GRHL3: variants seen among roughly 807,000 people sequenced by gnomAD.
GRHL3 encodes grainyhead like transcription factor 3.
A neutral mutation model predicts 70.3 loss-of-function variants in GRHL3; 20 were observed. The ratio of observed to expected loss-of-function variants is 0.28; its 90% CI spans 0.20 to 0.41. The LOEUF (loss-of-function observed/expected upper bound fraction) is 0.41. Among genes scored for constraint, GRHL3 ranks in the 10% least tolerant of loss-of-function variants. The pLI is 1.00. For missense variants in GRHL3, 637 were observed against 762.3 expected (o/e 0.84, Z 1.94); for synonymous variants, 299 against 299.9 (o/e 1.00, Z 0.03).
rs1639219064 is a variant in GRHL3 at position 24,322,214 on chromosome 1, C to A, written c.17+2646C>A. Among the ~76,000 whole-genome samples, 1 of 152,176 alleles carries A rather than the reference C, an allele frequency of 6.6e-6. No homozygotes were observed. Among genetic ancestry groups the A allele is most frequent in the Non-Finnish European group, 1.5e-5 (1 of 68,012 alleles). On this transcript the variant is annotated intron_variant, in intron 1 of 15. Transcript: ENST00000361548. The surrounding 1 kb of genome is among the most constrained non-coding windows in gnomAD (Gnocchi z 4.4). ...GAGGCAGGAGCGTCCCCCGCGGCCT[C>A]GCTCCCTGCTCTCTGGGCCCCACCG...
chr1:24,338,516 C>T (rs1639915138), intron 7 of GRHL3, among the ~76,000 whole-genome samples: 1 of 152,194 alleles, frequency 6.6e-6, no homozygotes, highest in East Asian at 1.9e-4. Flanking sequence ...CATCCCTAGC[C>T]CTGAAACAAG....
chr1:24,344,983 ACCTGTGCC>A, intron 12 of GRHL3, 52 bp downstream of exon 12: 3 of 517,102 alleles, frequency 5.8e-6, no homozygotes, highest in Non-Finnish European at 2.5e-6. Flanking sequence ...CACCCTCCAC[ACCTGTGCC>A]CCCTCCACAC....
In GRHL3 at chr1:24,321,639, G is replaced by A. The variant is rs967317310; in HGVS notation, c.17+2071G>A. On this transcript the variant is annotated intron_variant, in intron 1 of 15. Coordinates refer to ENST00000361548, the MANE Select transcript of GRHL3 (RefSeq NM_198173.3). The surrounding 1 kb of genome is among the most constrained non-coding windows in gnomAD (Gnocchi z 4.0). ...ATTTGTTTGTCCTCCCTGACCCTCA[G>A]TCTGCTCATCTGTCTGTAACACCTA... is the stretch of plus-strand genomic sequence containing the variant. 1 of 152,340 alleles carries A rather than the reference G, an allele frequency of 6.6e-6. No homozygotes were observed. The allele number at this position is 152,340 out of a possible 1,614,324, so 9.4% of individuals were successfully genotyped here. A position where few individuals can be genotyped will look rare whatever the true frequency, so the allele number is the denominator to read the frequency against.
intron 1 of GRHL3, among the ~76,000 whole-genome samples, chr1:24,330,023 G>A (rs1405205247): frequency 6.6e-6 from 1 of 152,206 alleles, no homozygotes; most frequent in African/African-American, 2.4e-5. Flanking sequence ...CCCAGAGCCA[G>A]TGAATCAGAC....
In GRHL3 at chr1:24,322,134, A is replaced by G. The variant is rs998924530; in HGVS notation, c.17+2566A>G. Among the ~76,000 whole-genome samples the G allele has an allele frequency of 4.6e-5, 7 of 152,010 alleles. No individual in the cohort carries two copies. Among genetic ancestry groups the G allele is most frequent in the Non-Finnish European group, 8.8e-5 (6 of 67,976 alleles). ...TCCAGGCAGGCCCCGTTGACAGCCC[A>G]GGAAGGGAGAGTTTCGCCGCAAAGG... On this transcript the variant is annotated intron_variant, in intron 1 of 15. Transcript: ENST00000361548. The surrounding 1 kb of genome is among the most constrained non-coding windows in gnomAD (Gnocchi z 4.4).
At chr1:24,356,853 A>T (rs958359070), downstream of GRHL3, 1 of 152,138 alleles carries the variant, frequency 6.6e-6, no homozygotes, top group African/African-American at 2.4e-5. Flanking sequence ...AACTTTTTTT[A>T]AAAAGGTGTG....
chr1:24,331,486 T>C lies in GRHL3; in HGVS notation c.78T>C (p.Thr26=). The C allele has an allele frequency of 6.2e-7, 1 of 1,614,034 alleles. No individual in the cohort carries two copies. Among genetic ancestry groups the C allele is most frequent in the Non-Finnish European group, 8.5e-7 (1 of 1,179,946 alleles). Residue 26 remains threonine (T), a synonymous_variant, in exon 2 of 16, where the codon ACT becomes ACC. Coordinates refer to ENST00000361548, the MANE Select transcript of GRHL3 (RefSeq NM_198173.3). ...DPVNLQKFSY[T]SEDEAWKTYL... ...TCAACTTGCAGAAATTCTCTTACAC[T>C]AGTGAGGATGAGGCCTGGAAGACGT... is the stretch of plus-strand genomic sequence containing the variant.
chr1:24,333,299 G>A (rs1639678003), intron 2 of GRHL3, among the ~76,000 whole-genome samples: 1 of 152,140 alleles, frequency 6.6e-6, no homozygotes, highest in Admixed American at 6.5e-5. Flanking sequence ...ACCTAGTCCT[G>A]CCACAAATCT....
Position 24,354,370 on chromosome 1 carries a change from C to T in GRHL3, c.1695-4C>T. 6 of 1,606,196 alleles carry T rather than the reference C, an allele frequency of 3.7e-6. No individual in the cohort carries two copies. Among genetic ancestry groups the T allele is most frequent in the Non-Finnish European group, 5.1e-6 (6 of 1,172,824 alleles). On this transcript the variant is annotated splice_region_variant and splice_polypyrimidine_tract_variant and intron_variant, in intron 15 of 15. Transcript: ENST00000361548. ...TTCCAACCACATCCCCTCTTCCATT[C>T]CAGAATCTTAGTCAACATGGACAAC... is the stretch of plus-strand genomic sequence containing the variant.
At chr1:24,345,123 G>GC (rs1640214255) in intron 12 of GRHL3, among the ~76,000 whole-genome samples, 192 bp downstream of exon 12, 1 of 36,232 alleles carries the variant, frequency 2.8e-5, no homozygotes, top group South Asian at 8.3e-4. Context: ...TTACACCTGT[G>GC]CCCCTCCACA....
intron 11 of GRHL3, among the ~76,000 whole-genome samples, chr1:24,344,532 C>T (rs1356447842): frequency 6.6e-6 from 1 of 151,286 alleles, no homozygotes; most frequent in African/African-American, 2.4e-5. Flanking sequence ...TGCCCTTGCT[C>T]CCTTGGCCCT....
In GRHL3 at chr1:24,337,799, C is replaced by T. The variant is rs1639881969; in HGVS notation, c.840+10C>T. ...CTCCAACAAAGTCAAGGTGCGTTGGCCTGGAGCAGCTTCAGAAGGGGTGGA... is the reference window on the plus strand; with the variant it reads ...CTCCAACAAAGTCAAGGTGCGTTGGTCTGGAGCAGCTTCAGAAGGGGTGGA... On this transcript the variant is annotated intron_variant, in intron 6 of 15. Transcript: ENST00000361548. The T allele has an allele frequency of 6.2e-7, 1 of 1,614,034 alleles. No homozygotes were observed. Among genetic ancestry groups the T allele is most frequent in the East Asian group, 2.2e-5 (1 of 44,872 alleles).
intron 2 of GRHL3, among the ~76,000 whole-genome samples, chr1:24,333,396 C>G (rs1450259776): frequency 1.3e-5 from 2 of 152,208 alleles, no homozygotes; most frequent in Admixed American, 6.5e-5. Flanking sequence ...CCTTCATACT[C>G]TCTTGGGGTG....
At chr1:24,337,366 T>A in intron 5 of GRHL3, 1 of 589,794 alleles carries the variant, frequency 1.7e-6, no homozygotes, top group Non-Finnish European at 3.0e-6. Flanking sequence ...AAAACTGAGG[T>A]TCTTTTATCC....
At chr1:24,331,281 C>T in intron 1 of GRHL3, 145 bp from the exon 2 acceptor site, 1 of 685,492 alleles carries the variant, frequency 1.5e-6, no homozygotes. Flanking sequence ...ATTCTGCTGC[C>T]CCACACTGCC....
chr1:24,339,777 C>T lies in GRHL3; in HGVS notation c.1047+15C>T. Reference sequence around the variant, plus strand: ...AAGAGGCCAAGGTCAGTGCTGAGGGCAGTGGCTGGGATGGGACTGGGCTGC... The same window carrying T: ...AAGAGGCCAAGGTCAGTGCTGAGGGTAGTGGCTGGGATGGGACTGGGCTGC... On this transcript the variant is annotated intron_variant, in intron 8 of 15. Coordinates refer to ENST00000361548, the MANE Select transcript of GRHL3 (RefSeq NM_198173.3). The T allele has an allele frequency of 1.3e-6, 2 of 1,578,122 alleles. 1 individual carries two copies.
chr1:24,350,869 G>A (rs1569923549), intron 15 of GRHL3, among the ~76,000 whole-genome samples: 1 of 152,234 alleles, frequency 6.6e-6, no homozygotes, highest in South Asian at 2.1e-4. Flanking sequence ...TACCTTTGTT[G>A]TCTGCTCAGA....
chr1:24,334,583 G>A lies in GRHL3; in HGVS notation c.205-62G>A. On this transcript the variant is annotated intron_variant, in intron 2 of 15. Coordinates refer to ENST00000361548, the MANE Select transcript of GRHL3 (RefSeq NM_198173.3). This position sits in a 1 kb window ranked among gnomAD's most constrained non-coding sequence, Gnocchi z 4.3. ...CTGCCTGGCCAAAGCTGCAGGAGGGGATTGAGGCTCCTACCAGCAGAAGCT... is the reference window on the plus strand; with the variant it reads ...CTGCCTGGCCAAAGCTGCAGGAGGGAATTGAGGCTCCTACCAGCAGAAGCT... The A allele has an allele frequency of 7.2e-7, 1 of 1,388,890 alleles. No homozygotes were observed. Among genetic ancestry groups the A allele is most frequent in the Non-Finnish European group, 1.0e-6 (1 of 981,088 alleles). 86.0% of individuals were successfully genotyped at this position (1,388,890 alleles called of 1,614,324 possible).
chr1:24,326,015 A>T (rs1235376260), intron 1 of GRHL3, among the ~76,000 whole-genome samples: 1 of 152,228 alleles, frequency 6.6e-6, no homozygotes, highest in African/African-American at 2.4e-5. Context: ...TCCATGGCTC[A>T]GTTTTTCCTC....
Sources: allele counts gnomAD v4.1 joint callset (sites outside exome capture counted in the v4.1 genomes callset), GRCh38; gene constraint gnomAD v4.1.1; non-coding constraint Gnocchi (gnomAD v3.1); transcripts MANE v1.5; gene names NCBI Gene and HGNC (gene_info 2026-07-23, HGNC 2026-07-21).